Variants in CACNB2 observed in about 807,000 individuals in gnomAD.
CACNB2 encodes voltage-dependent L-type calcium channel subunit beta-2.
A neutral mutation model predicts 73.3 loss-of-function variants in CACNB2; 42 were observed. The ratio of observed to expected loss-of-function variants is 0.57; its 90% CI spans 0.45 to 0.74. The LOEUF is 0.74. CACNB2 is among the 30% of genes least tolerant of loss of function. The probability of loss-of-function intolerance (pLI) is 0.00; values close to 1 mark genes in which losing one functional copy is unlikely to be tolerated. For missense variants in CACNB2, 940 were observed against 853.0 expected (o/e 1.10, Z -1.27); for synonymous variants, 348 against 310.3 (o/e 1.12, Z -1.28).
At chr10:18,172,043 C>T (rs1434776020) in intron 2 of CACNB2, among the ~76,000 whole-genome samples, 4 of 152,096 alleles carry the variant, frequency 2.6e-5, no homozygotes, top group Non-Finnish European at 5.9e-5. Context: ...TGCGGGATTA[C>T]AAAACCAGGA....
chr10:18,280,477 T>C (rs1176928336), intron 2 of CACNB2, among the ~76,000 whole-genome samples: 1 of 152,168 alleles, frequency 6.6e-6, no homozygotes, highest in Non-Finnish European at 1.5e-5. Flanking sequence ...ATCCCTCTCC[T>C]AGTCACTGCG....
rs142328148 is a variant in CACNB2 at position 18,502,430 on chromosome 10, C to T, written c.593+1482C>T. Among the ~76,000 whole-genome samples the T allele has an allele frequency of 1.8e-3, 266 of 151,582 alleles. 2 individuals carry two copies. The highest frequency in any genetic ancestry group is 6.2e-3 in the African/African-American group (254 of 41,292). Reference sequence around the variant, plus strand: ...CGGGGGCCACGTGCGGTGGCTCACACCTGTAATCCCAGCACTTTGGGAGGC... The same window carrying T: ...CGGGGGCCACGTGCGGTGGCTCACATCTGTAATCCCAGCACTTTGGGAGGC... On this transcript the variant is annotated intron_variant, in intron 5 of 13. Coordinates refer to ENST00000324631, the MANE Select transcript of CACNB2 (RefSeq NM_201596.3).
chr10:18,397,264 C>G (rs557590414), intron 2 of CACNB2, among the ~76,000 whole-genome samples: 1 of 151,378 alleles, frequency 6.6e-6, no homozygotes, highest in East Asian at 2.0e-4. Flanking sequence ...GTCAGGAGTT[C>G]AAGACCAGAC....
intron 2 of CACNB2, among the ~76,000 whole-genome samples, chr10:18,304,855 G>A (rs1417892797): frequency 6.6e-6 from 1 of 152,084 alleles, no homozygotes; most frequent in East Asian, 1.9e-4. Context: ...AAACAGGGGC[G>A]GTCCCTTTCC....
intron 3 of CACNB2, among the ~76,000 whole-genome samples, chr10:18,484,703 C>A (rs575394056): frequency 5.3e-5 from 8 of 152,192 alleles, no homozygotes; most frequent in African/African-American, 1.9e-4. Context: ...CCCTGTCTCT[C>A]GTGCCACTCT....
At chr10:18,229,975 T>C (rs1371746285) in intron 2 of CACNB2, among the ~76,000 whole-genome samples, 1 of 152,212 alleles carries the variant, frequency 6.6e-6, no homozygotes, top group Non-Finnish European at 1.5e-5. Flanking sequence ...AATCTTGTGA[T>C]TTATTCCTCC....
At chr10:18,270,465 T>C (rs1484360241) in intron 2 of CACNB2, among the ~76,000 whole-genome samples, 1 of 152,186 alleles carries the variant, frequency 6.6e-6, no homozygotes, top group African/African-American at 2.4e-5. Context: ...TGATTTTTTT[T>C]CAAGAGCAAT....
chr10:18,356,036 C>T (rs2041896246), intron 2 of CACNB2, among the ~76,000 whole-genome samples: 1 of 152,192 alleles, frequency 6.6e-6, no homozygotes, highest in Non-Finnish European at 1.5e-5. Flanking sequence ...GTAAGGATTG[C>T]TCCACGGAGA....
intron 5 of CACNB2, among the ~76,000 whole-genome samples, chr10:18,505,624 T>C (rs1450963247): frequency 1.3e-5 from 2 of 152,162 alleles, no homozygotes; most frequent in African/African-American, 4.8e-5. Context: ...ATAATAAACA[T>C]TAGGCAGTGA....
chr10:18,315,528 A>AACC (rs1306024951), intron 2 of CACNB2, among the ~76,000 whole-genome samples: 1 of 90,138 alleles, frequency 1.1e-5, no homozygotes, highest in African/African-American at 4.2e-5. Flanking sequence ...AAAAAAAAAA[A>AACC]CTTTTTTTTT....
intron 2 of CACNB2, chr10:18,401,046 G>C: frequency 6.2e-7 from 1 of 1,614,198 alleles, no homozygotes; most frequent in African/African-American, 1.3e-5. Context: ...AGGCCACCTG[G>C]ATCAGGCTTC....
At chr10:18,264,970 A>G (rs981109443) in intron 2 of CACNB2, among the ~76,000 whole-genome samples, 12 of 152,132 alleles carry the variant, frequency 7.9e-5, no homozygotes, top group African/African-American at 2.9e-4. Flanking sequence ...TTTCTGAAAC[A>G]TCGGGTCAAT....
chr10:18,284,954 A>G (rs1015246499), intron 2 of CACNB2, among the ~76,000 whole-genome samples: 83 of 152,290 alleles, frequency 5.5e-4, no homozygotes, highest in African/African-American at 1.8e-3. Flanking sequence ...CAAGACGAAC[A>G]TAAGAAATTC....
chr10:18,329,294 C>G (rs1263776569), intron 2 of CACNB2, among the ~76,000 whole-genome samples: 1 of 152,094 alleles, frequency 6.6e-6, no homozygotes, highest in East Asian at 1.9e-4. Flanking sequence ...GAAACATTCT[C>G]CCTGGTAAAG....
chr10:18,445,120 T>C (rs2046669009), intron 3 of CACNB2, among the ~76,000 whole-genome samples: 1 of 152,234 alleles, frequency 6.6e-6, no homozygotes, highest in South Asian at 2.1e-4. Context: ...CTTCTGCCCA[T>C]GGTTTTTTGG....
intron 2 of CACNB2, among the ~76,000 whole-genome samples, chr10:18,346,054 T>G (rs1267054436): frequency 6.6e-6 from 1 of 152,204 alleles, no homozygotes; most frequent in African/African-American, 2.4e-5. Context: ...GCAGAGACCC[T>G]GTGCCTTTGT....
At chr10:18,345,891 G>A (rs184046007) in intron 2 of CACNB2, among the ~76,000 whole-genome samples, 9 of 152,110 alleles carry the variant, frequency 5.9e-5, no homozygotes, top group African/African-American at 1.9e-4. Flanking sequence ...TAACCATTAC[G>A]GAGAATAAGG....
chr10:18,523,029 A>G (rs1225770543), intron 9 of CACNB2, among the ~76,000 whole-genome samples: 1 of 152,072 alleles, frequency 6.6e-6, no homozygotes, highest in Non-Finnish European at 1.5e-5. Flanking sequence ...TCCTAATTAG[A>G]TTTTTTTAAT....
chr10:18,507,596 A>G (rs867253268), intron 6 of CACNB2, among the ~76,000 whole-genome samples: 16 of 152,092 alleles, frequency 1.1e-4, no homozygotes, highest in African/African-American at 3.6e-4. Flanking sequence ...TGTGTAGAAC[A>G]TGGAATTCTA....
Sources: allele counts gnomAD v4.1 joint callset (sites outside exome capture counted in the v4.1 genomes callset), GRCh38; gene constraint gnomAD v4.1.1; transcripts MANE v1.5; gene names NCBI Gene and HGNC (gene_info 2026-07-23, HGNC 2026-07-21).